The following PLCZ1 variants were observed in gnomAD, a reference collection of about 807,000 sequenced individuals.
PLCZ1 encodes the protein phospholipase C zeta 1, also known as 1-phosphatidylinositol 4,5-bisphosphate phosphodiesterase zeta-1.
A neutral mutation model predicts 76.8 loss-of-function variants in PLCZ1; 64 were observed. That is an observed-to-expected ratio of 0.83 (90% CI 0.68 to 1.03). PLCZ1 has a LOEUF of 1.03. Among genes scored for constraint, PLCZ1 ranks in the 50% least tolerant of loss-of-function variants. The probability of loss-of-function intolerance (pLI) is 0.00; values close to 1 mark genes in which losing one functional copy is unlikely to be tolerated. For synonymous variants in PLCZ1, 248 were observed against 230.8 expected, an observed-to-expected ratio of 1.07 and a Z score of -0.68; for missense variants, 751 against 713.7, an observed-to-expected ratio of 1.05 and a Z score of -0.60.
At chr12:18,722,527 A>T (rs1958501339) in intron 4 of PLCZ1, among the ~76,000 whole-genome samples, 1 of 152,078 alleles carries the variant, frequency 6.6e-6, no homozygotes, top group African/African-American at 2.4e-5. Flanking sequence ...CTCCTAGGTG[A>T]ATATTTTGAG....
At chr12:18,660,647 G>C in the PLCZ1 span, among the ~76,000 whole-genome samples, 1 of 152,066 alleles carries the variant, frequency 6.6e-6, no homozygotes. Flanking sequence ...GCACAGAGAA[G>C]CCTATATCAA....
At chr12:18,701,388 G>T (rs1316265703) in intron 9 of PLCZ1, 113 bp downstream of exon 9, 2 of 1,543,454 alleles carry the variant, frequency 1.3e-6, no homozygotes, top group Non-Finnish European at 1.8e-6. Flanking sequence ...TGATAGACTA[G>T]AGTTTTTATA....
chr12:18,714,939 A>C (rs1055314641), intron 5 of PLCZ1: 1 of 151,908 alleles, frequency 6.6e-6, no homozygotes, highest in Non-Finnish European at 1.5e-5. Flanking sequence ...CCAAGTACTT[A>C]TATAAAATCA....
At chr12:18,666,999 TA>T in the PLCZ1 span, among the ~76,000 whole-genome samples, 1 of 152,136 alleles carries the variant, frequency 6.6e-6, no homozygotes, top group Non-Finnish European at 1.5e-5. Context: ...GGCCTAGAAC[TA>T]AAAATACCGT....
intron 3 of PLCZ1, among the ~76,000 whole-genome samples, chr12:18,735,546 T>A (rs1959199212): frequency 6.6e-6 from 1 of 152,120 alleles, no homozygotes; most frequent in Non-Finnish European, 1.5e-5. Flanking sequence ...AGCCTCTCAG[T>A]CTCCTTTTTG....
chr12:18,663,806 G>A, the PLCZ1 span, among the ~76,000 whole-genome samples: 2 of 152,060 alleles, frequency 1.3e-5, no homozygotes, highest in African/African-American at 4.8e-5. Context: ...CAGAGAAAAA[G>A]GCAATATACA....
the PLCZ1 span, among the ~76,000 whole-genome samples, chr12:18,661,816 C>G: frequency 2.0e-5 from 3 of 152,026 alleles, no homozygotes; most frequent in Admixed American, 6.6e-5. Context: ...ATAAATTGTT[C>G]TACCGTTGTA....
chr12:18,681,556 T>A (rs1952419065), downstream of PLCZ1, among the ~76,000 whole-genome samples: 1 of 152,040 alleles, frequency 6.6e-6, no homozygotes, highest in African/African-American at 2.4e-5. Flanking sequence ...AAAATTCTAA[T>A]CAAAATTCTA....
intron 6 of PLCZ1, among the ~76,000 whole-genome samples, chr12:18,711,789 G>T (rs1415601171): frequency 6.6e-6 from 1 of 151,920 alleles, no homozygotes; most frequent in Admixed American, 6.6e-5. Flanking sequence ...CAAACAGGCA[G>T]TTGTGTACTT....
intron 14 of PLCZ1, 105 bp downstream of exon 14, chr12:18,684,025 C>T: frequency 7.6e-7 from 1 of 1,321,398 alleles, no homozygotes; most frequent in Non-Finnish European, 1.1e-6. Context: ...ATTTCCTTTA[C>T]ATCCTACTTT....
downstream of PLCZ1, among the ~76,000 whole-genome samples, chr12:18,678,821 G>T (rs926707096): frequency 2.0e-5 from 3 of 151,990 alleles, no homozygotes; most frequent in Non-Finnish European, 4.4e-5. Context: ...AAGCCTTTGT[G>T]TGGACATGTG....
chr12:18,675,034 GT>G, the PLCZ1 span, among the ~76,000 whole-genome samples: 1 of 152,200 alleles, frequency 6.6e-6, no homozygotes, highest in African/African-American at 2.4e-5. Context: ...GCAATAGTCT[GT>G]AACTACCTTA....
the PLCZ1 span, among the ~76,000 whole-genome samples, chr12:18,651,732 G>C: frequency 6.6e-6 from 1 of 152,080 alleles, no homozygotes; most frequent in Non-Finnish European, 1.5e-5. Context: ...ACCACCAATG[G>C]GAGCAATGCC....
At chr12:18,701,380 ATAGAC>A (rs992813284) in intron 9 of PLCZ1, 116 bp downstream of exon 9, 15 of 1,517,332 alleles carry the variant, frequency 9.9e-6, no homozygotes, top group African/African-American at 8.4e-5. Flanking sequence ...ATTGTAAATG[ATAGAC>A]TAGAGTTTTT....
intron 12 of PLCZ1, among the ~76,000 whole-genome samples, chr12:18,689,421 T>C (rs1953717215): frequency 6.6e-6 from 1 of 152,224 alleles, no homozygotes; most frequent in African/African-American, 2.4e-5. Flanking sequence ...TAAACTTTCT[T>C]AAAACATTAT....
At chr12:18,736,767 A>G (rs1163661632) in intron 2 of PLCZ1, 3 of 943,508 alleles carry the variant, frequency 3.2e-6, no homozygotes, top group Admixed American at 2.3e-5. Flanking sequence ...AAGTGGAAGC[A>G]TTAGATGAAT....
At chr12:18,666,542 T>C in the PLCZ1 span, among the ~76,000 whole-genome samples, 2 of 152,022 alleles carry the variant, frequency 1.3e-5, no homozygotes, top group Non-Finnish European at 2.9e-5. Flanking sequence ...TATAAATATA[T>C]AAATGGGAAA....
chr12:18,651,254 C>T, the PLCZ1 span, among the ~76,000 whole-genome samples: 1 of 151,936 alleles, frequency 6.6e-6, no homozygotes, highest in Non-Finnish European at 1.5e-5. Flanking sequence ...TATCCATTTG[C>T]CTAGCTCCCT....
chr12:18,728,441 T>C (rs1958873560), intron 3 of PLCZ1, among the ~76,000 whole-genome samples: 1 of 152,170 alleles, frequency 6.6e-6, no homozygotes, highest in South Asian at 2.1e-4. Context: ...ACTTGGAACT[T>C]GTTCCTATTT....
Sources: gnomAD v4.1 joint callset for allele counts (sites outside exome capture counted in the v4.1 genomes callset) on GRCh38, gnomAD v4.1.1 for gene constraint, MANE v1.5 for transcripts, NCBI Gene and HGNC (gene_info 2026-07-23, HGNC 2026-07-21) for gene names.